Variants in TMEM171 observed in about 807,000 individuals in gnomAD.
The protein encoded by TMEM171 is proline-rich protein PRP2.
In TMEM171, 16 loss-of-function variants were observed where a neutral mutation model predicts 19.1. The observed-to-expected ratio is 0.84, with a 90% CI of 0.57 to 1.27. TMEM171 has a LOEUF of 1.27. TMEM171 is among the 50% of genes most tolerant of loss of function. The probability of loss-of-function intolerance (pLI) is 0.00; values close to 1 mark genes in which losing one functional copy is unlikely to be tolerated. For missense variants in TMEM171, 429 were observed against 412.7 expected (o/e 1.04, Z -0.34); for synonymous variants, 153 against 163.4 (o/e 0.94, Z 0.48).
At position 73,123,866 on chromosome 5, in the gene TMEM171, A is replaced by G; in HGVS notation, c.493A>G (p.Ile165Val). 6.2e-7 allele frequency: 1 copy of G among 1,613,944 alleles called. No homozygotes were observed. Among genetic ancestry groups the G allele is most frequent in the East Asian group, 2.2e-5 (1 of 44,880 alleles). Residue 165 changes from isoleucine (I) to valine (V), a missense_variant, in exon 2 of 4, where the codon ATC becomes GTC. Physicochemically the swap from Ile to Val is conservative, Grantham distance 29. Coordinates refer to ENST00000454765, the MANE Select transcript of TMEM171 (RefSeq NM_173490.8). ...GATGTGTGGGTTCCTTTCTCTGCAG[A>G]TCATGGGGCCCTTGATTGTGCTTGT... ...PRMCGFLSLQIMGPLIVLVGL... is the reference protein window; with the variant it reads ...PRMCGFLSLQVMGPLIVLVGL...
At chr5:73,127,378 A>ATATATATATAT (rs1216141842) in intron 2 of TMEM171, among the ~76,000 whole-genome samples, 27 of 63,230 alleles carry the variant, frequency 4.3e-4, no homozygotes, top group African/African-American at 2.4e-3. Context: ...GTAAAAAAAA[A>ATATATATATAT]AAAAAAATAT....
At chr5:73,121,918 G>A (rs1744017842) in intron 1 of TMEM171, among the ~76,000 whole-genome samples, 2 of 152,158 alleles carry the variant, frequency 1.3e-5, no homozygotes, top group Admixed American at 1.3e-4. Context: ...ATTTTGGATT[G>A]TCTTTGCAAT....
chr5:73,128,245 A>G (rs1744233590), intron 2 of TMEM171, 145 bp from the exon 3 acceptor site: 3 of 936,370 alleles, frequency 3.2e-6, no homozygotes, highest in Non-Finnish European at 4.9e-6. Context: ...TATACATTTA[A>G]TGGGCTTACT....
chr5:73,128,581 T>C (rs1329454451), intron 3 of TMEM171, 50 bp downstream of exon 3: 2 of 1,605,336 alleles, frequency 1.2e-6, no homozygotes, highest in African/African-American at 2.7e-5. Context: ...CAGGCCACAC[T>C]AGTATTAAGG....
chr5:73,123,937 G>A lies in TMEM171; in HGVS notation c.564G>A (p.Thr188=). ...TTGCCCATGTTAAGAAGAGAAACAC[G>A]CTGAATGCTGGCCAGGATGCCTCTG... The part of the protein sequence containing the change: ...FVVAHVKKRN[T]LNAGQDASER... The change falls in exon 2 of 4, where the codon ACG becomes ACA. Residue 188 remains threonine (T), a synonymous_variant. Transcript: ENST00000454765. The A allele has an allele frequency of 1.9e-6, 3 of 1,612,644 alleles. No individual in the cohort carries two copies. The highest frequency in any genetic ancestry group is 1.1e-5 in the South Asian group (1 of 90,816).
In TMEM171 at chr5:73,120,583, C is replaced by A. The variant is rs952318504; in HGVS notation, c.-182C>A. ...GGTCCGCCCTCCGCACCAGGACGCG[C>A]GGTGGGTAGGGTGCAGGGCGGCCGG... is the stretch of plus-strand genomic sequence containing the variant. On this transcript the variant is annotated 5_prime_UTR_variant, in exon 1 of 4. Transcript: ENST00000454765. 1.9e-5 allele frequency: 19 copies of A among 985,314 alleles called. No homozygotes were observed. Among genetic ancestry groups the A allele is most frequent in the Non-Finnish European group, 1.9e-5 (16 of 830,232 alleles). 61.0% of individuals were successfully genotyped at this position (985,314 alleles called of 1,614,324 possible). A position where few individuals can be genotyped will look rare whatever the true frequency, so the allele number is the denominator to read the frequency against.
rs140608546 is a variant in TMEM171 at position 73,127,274 on chromosome 5, T to G, written c.641-1116T>G. ...GCAAACAATTCACAAAAAGGCTTGG[T>G]CTTAGACTTGCTACAAAATATAGAC... On this transcript the variant is annotated intron_variant, in intron 2 of 3. Coordinates refer to ENST00000454765, the MANE Select transcript of TMEM171 (RefSeq NM_173490.8). Among the ~76,000 whole-genome samples the G allele has an allele frequency of 6.5e-3, 981 of 150,866 alleles. 9 individuals are homozygous for G. Among genetic ancestry groups the G allele is most frequent in the African/African-American group, 0.023 (935 of 40,886 alleles).
At chr5:73,122,772 T>C (rs1744038887) in intron 1 of TMEM171, among the ~76,000 whole-genome samples, 1 of 152,224 alleles carries the variant, frequency 6.6e-6, no homozygotes, top group Non-Finnish European at 1.5e-5. Context: ...GACTTCTTAT[T>C]CTATTGAAAT....
rs1489532593 is a variant in TMEM171 at position 73,131,593 on chromosome 5, A to G, written c.838A>G (p.Thr280Ala). The stretch of plus-strand genomic sequence containing the variant: ...TGAAAGAGACTGTGAATCTATATAT[A>G]CCATTTCTGGGACGAATTCATCTTC... ...ASERDCESIYTISGTNSSSEA... is the reference protein window; with the variant it reads ...ASERDCESIYAISGTNSSSEA... The change falls in exon 4 of 4, where the codon ACC becomes GCC. Residue 280 changes from threonine to alanine, a missense_variant. By Grantham distance (58) the Thr-to-Ala change is moderately conservative. Transcript: ENST00000454765. 3 of 1,613,506 alleles carry G rather than the reference A, an allele frequency of 1.9e-6. No individual in the cohort carries two copies. Among genetic ancestry groups the G allele is most frequent in the Non-Finnish European group, 8.5e-7 (1 of 1,179,890 alleles).
At chr5:73,126,512 A>G (rs777995353) in intron 2 of TMEM171, among the ~76,000 whole-genome samples, 46 of 152,324 alleles carry the variant, frequency 3.0e-4, no homozygotes, top group Non-Finnish European at 5.9e-4. Context: ...GTGTTTCTTC[A>G]TCATGCAAAT....
At chr5:73,127,407 A>ATATATATAT (rs1364234564) in intron 2 of TMEM171, among the ~76,000 whole-genome samples, 1 of 137,098 alleles carries the variant, frequency 7.3e-6, no homozygotes. Context: ...ATATATATAT[A>ATATATATAT]AAGCATAAAC....
chr5:73,123,438 T>C lies in TMEM171; in HGVS notation c.65T>C (p.Ile22Thr). 6.2e-7 allele frequency: 1 copy of C among 1,614,122 alleles called. No homozygotes were observed. Among genetic ancestry groups the C allele is most frequent in the South Asian group, 1.1e-5 (1 of 91,076 alleles). ...DQQDRHVSKL[I>T]FCFFVFGAVL... Reference sequence around the variant, plus strand: ...CAGGACAGACACGTCAGCAAACTCATCTTCTGCTTCTTTGTCTTCGGCGCC... The same window carrying C: ...CAGGACAGACACGTCAGCAAACTCACCTTCTGCTTCTTTGTCTTCGGCGCC... Residue 22 changes from isoleucine to threonine, a missense_variant, in exon 2 of 4, where the codon ATC becomes ACC. Physicochemically the swap from Ile to Thr is moderately conservative, Grantham distance 89. Transcript: ENST00000454765.
intron 1 of TMEM171, among the ~76,000 whole-genome samples, chr5:73,122,883 G>T (rs757102453): frequency 6.6e-6 from 1 of 152,220 alleles, no homozygotes; most frequent in African/African-American, 2.4e-5. Flanking sequence ...TTACTGAACT[G>T]ACTTGAAAAT....
intron 2 of TMEM171, among the ~76,000 whole-genome samples, chr5:73,125,116 G>T (rs1744126058): frequency 6.6e-6 from 1 of 152,114 alleles, no homozygotes; most frequent in African/African-American, 2.4e-5. Flanking sequence ...GGAGAGGAGG[G>T]GCAGATGGAT....
Position 73,131,789 on chromosome 5 carries a change from T to A in TMEM171, c.*59T>A, listed in dbSNP as rs571141808. Reference sequence around the variant, plus strand: ...GATCACTATTTTATTTAATTTTTTTTAAATAAAAAATACAATAGCATTGGC... The same window carrying A: ...GATCACTATTTTATTTAATTTTTTTAAAATAAAAAATACAATAGCATTGGC... On this transcript the variant is annotated 3_prime_UTR_variant, in exon 4 of 4. Transcript: ENST00000454765. 97 of 1,424,356 alleles carry A rather than the reference T, an allele frequency of 6.8e-5. No homozygotes were observed. Among genetic ancestry groups the A allele is most frequent in the Middle Eastern group, 2.4e-4 (1 of 4,226 alleles). The allele number at this position is 1,424,356 out of a possible 1,614,324, so 88.2% of individuals were successfully genotyped here.
In TMEM171 at chr5:73,128,383, G is replaced by A. The variant is rs372120938; in HGVS notation, c.641-7G>A. On this transcript the variant is annotated splice_polypyrimidine_tract_variant and splice_region_variant and intron_variant, in intron 2 of 3. Coordinates refer to ENST00000454765, the MANE Select transcript of TMEM171 (RefSeq NM_173490.8). ...CCTGTTGTCAACTAAATATTGTTTT[G>A]CCTTAGGTGACTCGGTAATAATATT... The A allele has an allele frequency of 1.5e-5, 24 of 1,613,500 alleles. No homozygotes were observed. The highest frequency in any genetic ancestry group is 1.3e-4 in the Admixed American group (8 of 59,942).
chr5:73,131,486 G>T, intron 3 of TMEM171, 52 bp from the exon 4 acceptor site: 2 of 1,421,514 alleles, frequency 1.4e-6, no homozygotes, highest in South Asian at 1.5e-5. Flanking sequence ...GTACTAAAGG[G>T]GTGTCACTGT....
intron 2 of TMEM171, among the ~76,000 whole-genome samples, chr5:73,125,415 G>C (rs1271131726): frequency 6.6e-6 from 1 of 152,160 alleles, no homozygotes; most frequent in Admixed American, 6.5e-5. Context: ...TAGATATCAA[G>C]TGACTTGCCT....
Position 73,128,227 on chromosome 5 carries a change from T to A in TMEM171, c.641-163T>A, listed in dbSNP as rs150526603. 1.0e-3 allele frequency among the ~76,000 whole-genome samples: 156 copies of A among 152,298 alleles called. 3 individuals carry two copies. In the East Asian group the frequency reaches 0.023, roughly 22 times the overall value. On this transcript the variant is annotated intron_variant, in intron 2 of 3. Transcript: ENST00000454765. ...AGCCCCTGGTAACCTAGTCTACTTT[T>A]CTATCTCTATACATTTAATGGGCTT...
Sources: allele counts gnomAD v4.1 joint callset (sites outside exome capture counted in the v4.1 genomes callset), GRCh38; gene constraint gnomAD v4.1.1; transcripts MANE v1.5; gene names NCBI Gene and HGNC (gene_info 2026-07-23, HGNC 2026-07-21).